The following C17orf99 variants were observed in gnomAD, a reference collection of about 807,000 sequenced individuals.
C17orf99 encodes chromosome 17 open reading frame 99.
C17orf99 carries 18 observed loss-of-function variants against 22.6 expected under a neutral mutation model. The observed-to-expected ratio is 0.80, with a 90% CI of 0.55 to 1.18. The LOEUF (loss-of-function observed/expected upper bound fraction) is 1.18, where lower values mean the gene tolerates loss of function less well. Ranked by LOEUF, C17orf99 falls within the 50% of genes most tolerant of loss-of-function variation. The pLI, the probability that C17orf99 is intolerant of heterozygous loss-of-function variation, is 0.00. For missense variants in C17orf99, 328 were observed against 342.7 expected (o/e 0.96, Z 0.34); for synonymous variants, 147 against 136.6 (o/e 1.08, Z -0.53).
At chr17:78,147,033 G>A (rs1178308676) in intron 2 of C17orf99, 122 bp downstream of exon 2, 8 of 845,870 alleles carry the variant, frequency 9.5e-6, no homozygotes, top group Non-Finnish European at 1.6e-5. Context: ...TGTGCTGGAG[G>A]ATGGCTGGAC....
In C17orf99 at chr17:78,154,981, C is replaced by T. The variant is rs144870308; in HGVS notation, c.71-5974C>T. 1.0e-3 allele frequency among the ~76,000 whole-genome samples: 153 copies of T among 152,172 alleles called. 3 individuals are homozygous for T. The South Asian group carries it at 0.028, about 28-fold the overall frequency. The stretch of plus-strand genomic sequence containing the variant: ...CATCCTGATTCTAGAAGGCTGCTGC[C>T]GGTTGTCTAGACCAGAGTTGTCAAC... On this transcript the variant is annotated intron_variant, in intron 2 of 4. Transcript: ENST00000340363.
upstream of C17orf99, among the ~76,000 whole-genome samples, chr17:78,145,601 A>G (rs2075432040): frequency 6.6e-6 from 1 of 152,080 alleles, no homozygotes; most frequent in African/African-American, 2.4e-5. Flanking sequence ...GCTGTGAACC[A>G]TCATGGGTGG....
chr17:78,153,695 C>A (rs1598944180), intron 2 of C17orf99, among the ~76,000 whole-genome samples: 1 of 152,092 alleles, frequency 6.6e-6, no homozygotes, highest in Admixed American at 6.5e-5. Context: ...GCCCTGGACG[C>A]CCACTTCCCC....
intron 3 of C17orf99, 133 bp downstream of exon 3, chr17:78,161,387 C>T (rs1282530319): frequency 5.2e-6 from 4 of 768,784 alleles, no homozygotes; most frequent in Non-Finnish European, 8.3e-6. Flanking sequence ...CAAGGACAGG[C>T]TGCCACCTCC....
rs78315359 is a variant in C17orf99, at chr17:78,161,245, C to G, written c.361C>G (p.Leu121Val). Residue 121 changes from leucine (L) to valine (V), a missense_variant, in exon 3 of 5, where the codon CTG becomes GTG. Leu to Val is a conservative substitution (Grantham distance 32). Transcript: ENST00000340363. ...DSARLQMHWE[L>V]WSKPVSELRA... Reference sequence around the variant, plus strand: ...TGCCAGGCTACAGATGCACTGGGAGCTGTGGTCCAGTGAGTGCGGTGGGGG... The same window carrying G: ...TGCCAGGCTACAGATGCACTGGGAGGTGTGGTCCAGTGAGTGCGGTGGGGG... 8.2e-3 allele frequency: 12,752 copies of G among 1,551,442 alleles called. 450 individuals are homozygous for G. The East Asian group carries it at 0.12, about 15-fold the overall frequency.
intron 3 of C17orf99, among the ~76,000 whole-genome samples, chr17:78,162,471 G>A (rs771000964): frequency 2.6e-5 from 4 of 151,566 alleles, no homozygotes; most frequent in Non-Finnish European, 5.9e-5. Context: ...GTGGGACAAG[G>A]AATCGCCCCA....
At position 78,161,252 on chromosome 17, in the gene C17orf99, C is replaced by A; in HGVS notation, c.368C>A (p.Ser123Tyr). Residue 123 changes from serine to tyrosine, a missense_variant and splice_region_variant, in exon 3 of 5, where the codon TCC (serine) becomes TAC (tyrosine). Physicochemically the swap from Ser to Tyr is moderately radical, Grantham distance 144. Transcript: ENST00000340363. ...CTACAGATGCACTGGGAGCTGTGGT[C>A]CAGTGAGTGCGGTGGGGGGCACAGG... ...ARLQMHWELW[S>Y]KPVSELRANF... The A allele has an allele frequency of 6.4e-7, 1 of 1,551,228 alleles. No homozygotes were observed. Among genetic ancestry groups the A allele is most frequent in the South Asian group, 1.2e-5 (1 of 84,036 alleles).
Position 78,162,608 on chromosome 17 carries a change from C to G in C17orf99, c.370+1354C>G, listed in dbSNP as rs146749827. ...ACTTACTGGCTGGGGTCTTGAACAA[C>G]TCATTGGACCGCTGAGCTTCAACTG... On this transcript the variant is annotated intron_variant, in intron 3 of 4. Coordinates refer to ENST00000340363, the MANE Select transcript of C17orf99 (RefSeq NM_001163075.2). Among the ~76,000 whole-genome samples the G allele has an allele frequency of 5.1e-3, 771 of 152,136 alleles. 3 individuals carry two copies. Among genetic ancestry groups the G allele is most frequent in the African/African-American group, 0.017 (705 of 41,516 alleles).
At chr17:78,165,835 G>GGTGCCTC (rs2075613211) in intron 4 of C17orf99, 54 bp from the exon 5 acceptor site, 2 of 1,279,370 alleles carry the variant, frequency 1.6e-6, no homozygotes, top group African/African-American at 3.1e-5. Flanking sequence ...CGCCTCGGGA[G>GGTGCCTC]GGGATGGCTG....
rs2075438727 is a variant in C17orf99, at chr17:78,146,545, G to A, written c.37+101G>A. 5 of 1,061,844 alleles carry A rather than the reference G, an allele frequency of 4.7e-6. No individual in the cohort carries two copies. The highest frequency in any genetic ancestry group is 2.0e-4 in the Middle Eastern group (1 of 4,996). 65.8% of individuals were successfully genotyped at this position (1,061,844 alleles called of 1,614,324 possible). On this transcript the variant is annotated intron_variant, in intron 1 of 4. Coordinates refer to ENST00000340363, the MANE Select transcript of C17orf99 (RefSeq NM_001163075.2). The surrounding 1 kb of genome is among the most constrained non-coding windows in gnomAD (Gnocchi z 5.2). ...AGCACAGGAGAGATGAGGCCTGAAG[G>A]AAGGGCACCTCTGGAAACATGGACA...
At chr17:78,151,878 T>G (rs545288968) in intron 2 of C17orf99, among the ~76,000 whole-genome samples, 6 of 152,308 alleles carry the variant, frequency 3.9e-5, no homozygotes, top group African/African-American at 1.4e-4. Flanking sequence ...CTAGGTCTAA[T>G]GAGTTGCAAC....
chr17:78,165,067 G>A, intron 4 of C17orf99: 1 of 1,052,758 alleles, frequency 9.5e-7, no homozygotes, highest in Non-Finnish European at 1.1e-6. Flanking sequence ...CGAGGTGGTG[G>A]CAAGAGCCTG....
intron 3 of C17orf99, among the ~76,000 whole-genome samples, chr17:78,162,273 C>CAA (rs35349689): frequency 0.16 from 14,464 of 93,208 alleles, 1,239 homozygotes; most frequent in East Asian, 0.46. Context: ...AAGACTATCT[C>CAA]AAAAAAAAAA....
intron 2 of C17orf99, chr17:78,158,021 G>A: frequency 7.3e-7 from 1 of 1,370,972 alleles, no homozygotes. Flanking sequence ...CCAGCTGATT[G>A]GCATCCAGGA....
intron 4 of C17orf99, chr17:78,164,860 G>C: frequency 1.7e-6 from 2 of 1,189,006 alleles, no homozygotes; most frequent in Non-Finnish European, 2.1e-6. Context: ...GCCTACTGAG[G>C]CTTACACATT....
intron 2 of C17orf99, chr17:78,160,646 G>A (rs894271690): frequency 2.6e-4 from 86 of 327,484 alleles, no homozygotes; most frequent in South Asian, 2.4e-3. Flanking sequence ...GTGTGATCTC[G>A]GCTCACTGCC....
At chr17:78,165,228 C>T in intron 4 of C17orf99, 1 of 989,648 alleles carries the variant, frequency 1.0e-6, no homozygotes, top group South Asian at 4.6e-5. Flanking sequence ...CCTCTGTGAA[C>T]TCATCTCTCT....
At chr17:78,150,656 C>G (rs2075474774) in intron 2 of C17orf99, among the ~76,000 whole-genome samples, 1 of 152,164 alleles carries the variant, frequency 6.6e-6, no homozygotes, top group Admixed American at 6.5e-5. Context: ...CCCCTTTGTC[C>G]TAGCCCCATG....
chr17:78,164,298 TG>T lies in C17orf99; in HGVS notation c.576del (p.Trp192CysfsTer51). On this transcript the variant is annotated frameshift_variant, in exon 4 of 5. Coordinates refer to ENST00000340363, the MANE Select transcript of C17orf99 (RefSeq NM_001163075.2). LOFTEE classifies it high-confidence loss of function. ...CTTCCTGCCGAGCCAGACATCGGAC[TG>T]GTTCTGGTGCCAGGCTGCAAACAAC... is the stretch of plus-strand genomic sequence containing the variant. ...FSFLPSQTSD[W>X]FWCQAANNAN... 1 of 1,551,612 alleles carries T rather than the reference TG, an allele frequency of 6.4e-7. No individual in the cohort carries two copies. The highest frequency in any genetic ancestry group is 8.7e-7 in the Non-Finnish European group (1 of 1,147,008).
Sources: gnomAD v4.1 joint callset for allele counts (sites outside exome capture counted in the v4.1 genomes callset) on GRCh38, gnomAD v4.1.1 for gene constraint, Gnocchi (gnomAD v3.1) non-coding constraint, MANE v1.5 for transcripts, NCBI Gene and HGNC (gene_info 2026-07-23, HGNC 2026-07-21) for gene names.